Variants in L3MBTL4 observed in about 807,000 individuals in gnomAD.
The protein encoded by L3MBTL4 is L3MBTL histone methyl-lysine binding protein 4, also known as lethal(3)malignant brain tumor-like protein 4.
Under a neutral mutation model 84.5 loss-of-function variants are expected in L3MBTL4, and 70 were observed. That is an observed-to-expected ratio of 0.83 (90% CI 0.68 to 1.01). The LOEUF (loss-of-function observed/expected upper bound fraction) is 1.01, where lower values mean the gene tolerates loss of function less well. Ranked by LOEUF, L3MBTL4 falls within the 50% of genes least tolerant of loss-of-function variation. The pLI is 0.00. For synonymous variants in L3MBTL4, 274 were observed against 259.8 expected, an observed-to-expected ratio of 1.05 and a Z score of -0.52; for missense variants, 715 against 754.8, an observed-to-expected ratio of 0.95 and a Z score of 0.62.
intron 13 of L3MBTL4, among the ~76,000 whole-genome samples, chr18:6,146,231 C>T (rs926005570): frequency 2.6e-5 from 4 of 152,206 alleles, no homozygotes; most frequent in Middle Eastern, 3.2e-3. Context: ...CTGCTGTGCG[C>T]TCTGCATCGT....
At chr18:6,240,069 G>A (rs2047391091) in intron 8 of L3MBTL4, among the ~76,000 whole-genome samples, 197 bp from the exon 9 acceptor site, 1 of 152,218 alleles carries the variant, frequency 6.6e-6, no homozygotes. Flanking sequence ...AAAGGCCCAG[G>A]AAACTAGCTT....
chr18:6,287,615 A>G (rs1044992570), intron 4 of L3MBTL4, among the ~76,000 whole-genome samples: 2 of 152,188 alleles, frequency 1.3e-5, no homozygotes, highest in African/African-American at 4.8e-5. Flanking sequence ...CCCTCTCTAC[A>G]CTAAAAGGAA....
intron 12 of L3MBTL4, among the ~76,000 whole-genome samples, chr18:6,195,570 G>A (rs2045338640): frequency 6.6e-6 from 1 of 152,194 alleles, no homozygotes; most frequent in Admixed American, 6.5e-5. Context: ...GGAGGAACAT[G>A]CACACAAATG....
At chr18:6,378,758 CT>C (rs1389518452) in intron 1 of L3MBTL4, among the ~76,000 whole-genome samples, 18 of 152,260 alleles carry the variant, frequency 1.2e-4, no homozygotes, top group African/African-American at 4.3e-4. Flanking sequence ...ACTGTGATGC[CT>C]CCAGGTTTGT....
rs1245753882 is a variant in L3MBTL4 at position 6,097,243 on chromosome 18, A to G, written c.1200-3715T>C. ...AGACCATTGCAGACAAAGTTTTAAA[A>G]GAAAAATGTTTTGACAGATACAAGT... On this transcript the variant is annotated intron_variant, in intron 14 of 18. Transcript: ENST00000317931. Among the ~76,000 whole-genome samples the G allele has an allele frequency of 7.9e-5, 12 of 152,384 alleles. No homozygotes were observed. In the East Asian group the frequency reaches 2.3e-3, roughly 29 times the overall value.
chr18:6,141,949 C>T lies in L3MBTL4; in HGVS notation c.1097-3653G>A, dbSNP rs140819455. On this transcript the variant is annotated intron_variant, in intron 13 of 18. Transcript: ENST00000317931. ...ATTTTTCTCCTCATTCAGGATTCTGCATCCATGCTGGCCTTCTCCTATTCC... is the reference window on the plus strand; with the variant it reads ...ATTTTTCTCCTCATTCAGGATTCTGTATCCATGCTGGCCTTCTCCTATTCC... Among the ~76,000 whole-genome samples the T allele has an allele frequency of 2.0e-5, 3 of 152,340 alleles. No individual in the cohort carries two copies. In the East Asian group the frequency reaches 5.8e-4, roughly 29 times the overall value.
intron 16 of L3MBTL4, among the ~76,000 whole-genome samples, chr18:6,040,537 C>A (rs561438206): frequency 6.6e-6 from 1 of 152,154 alleles, no homozygotes; most frequent in Non-Finnish European, 1.5e-5. Context: ...GAGTACCTGC[C>A]GTGGGTCTGT....
At chr18:6,039,667 A>G (rs2056311951) in intron 16 of L3MBTL4, among the ~76,000 whole-genome samples, 1 of 152,172 alleles carries the variant, frequency 6.6e-6, no homozygotes. Flanking sequence ...CTGGGCCCTA[A>G]GCCTCTCACA....
chr18:6,057,489 C>G (rs545186666), intron 16 of L3MBTL4, among the ~76,000 whole-genome samples: 8 of 152,050 alleles, frequency 5.3e-5, no homozygotes, highest in Non-Finnish European at 1.2e-4. Context: ...ATCTAAAAAA[C>G]TCAGGAAACT....
At chr18:6,200,263 T>C (rs1248899117) in intron 12 of L3MBTL4, among the ~76,000 whole-genome samples, 2 of 152,222 alleles carry the variant, frequency 1.3e-5, no homozygotes, top group Non-Finnish European at 2.9e-5. Flanking sequence ...GGATTTTTCA[T>C]GTATTAAAAT....
chr18:5,993,260 A>T (rs1336713354), intron 16 of L3MBTL4, among the ~76,000 whole-genome samples: 1 of 152,070 alleles, frequency 6.6e-6, no homozygotes, highest in Non-Finnish European at 1.5e-5. Flanking sequence ...TCTCCAAGTA[A>T]CTCTTTCCAA....
chr18:6,279,074 A>G (rs1311534622), intron 4 of L3MBTL4, among the ~76,000 whole-genome samples: 1 of 152,158 alleles, frequency 6.6e-6, no homozygotes, highest in Non-Finnish European at 1.5e-5. Flanking sequence ...ATTCACTTTC[A>G]GCATAGAGTT....
At chr18:6,290,552 G>C (rs1331485185) in intron 4 of L3MBTL4, among the ~76,000 whole-genome samples, 5 of 150,874 alleles carry the variant, frequency 3.3e-5, no homozygotes, top group African/African-American at 1.2e-4. Flanking sequence ...TTTTGAGACA[G>C]AGTCTCGCTC....
intron 16 of L3MBTL4, among the ~76,000 whole-genome samples, chr18:6,058,358 C>G (rs893433016): frequency 6.6e-6 from 1 of 152,186 alleles, no homozygotes; most frequent in Non-Finnish European, 1.5e-5. Context: ...TTAGAACAAG[C>G]CTTGAATTGT....
intron 12 of L3MBTL4, among the ~76,000 whole-genome samples, chr18:6,194,602 G>A (rs1016444762): frequency 1.3e-5 from 2 of 152,078 alleles, no homozygotes; most frequent in Admixed American, 6.5e-5. Context: ...GCAGAACATC[G>A]AACAGAAAGT....
At chr18:6,318,293 A>G (rs1399048394) in intron 1 of L3MBTL4, among the ~76,000 whole-genome samples, 1 of 151,976 alleles carries the variant, frequency 6.6e-6, no homozygotes, top group Non-Finnish European at 1.5e-5. Flanking sequence ...TAAATGCTCC[A>G]CTTAAAAGAT....
intron 16 of L3MBTL4, among the ~76,000 whole-genome samples, chr18:5,972,887 CAGAAGAGAATAGAATAGAATAGAAT>C (rs1330422824): frequency 0.03 from 809 of 26,688 alleles, 31 homozygotes; most frequent in African/African-American, 0.12. Flanking sequence ...TAGAATAGAA[CAGAAGAGAATAGAATAGAATAGAAT>C]AGAATAGAAT....
In L3MBTL4 at chr18:6,329,503, T is replaced by G. The variant is rs537748748; in HGVS notation, c.-90-17447A>C. Among the ~76,000 whole-genome samples, 26 of 152,314 alleles carry G rather than the reference T, an allele frequency of 1.7e-4. 2 individuals carry two copies. In the South Asian group the frequency reaches 5.2e-3, roughly 30 times the overall value. Reference sequence around the variant, plus strand: ...AAATGGAATTACAGAGTATTTGTCTTTGTCCATTTTCTGTTGCTTATAACA... The same window carrying G: ...AAATGGAATTACAGAGTATTTGTCTGTGTCCATTTTCTGTTGCTTATAACA... On this transcript the variant is annotated intron_variant, in intron 1 of 18. Transcript: ENST00000317931.
At chr18:6,311,459 G>T in intron 3 of L3MBTL4, 95 bp downstream of exon 3, 1 of 968,328 alleles carries the variant, frequency 1.0e-6, no homozygotes, top group Non-Finnish European at 1.6e-6. Flanking sequence ...TGACTGAAAA[G>T]CCCCTGAGTG....
Sources: allele counts gnomAD v4.1 joint callset (sites outside exome capture counted in the v4.1 genomes callset), GRCh38; gene constraint gnomAD v4.1.1; transcripts MANE v1.5; gene names NCBI Gene and HGNC (gene_info 2026-07-23, HGNC 2026-07-21).